The following EML6 variants were observed in gnomAD, a reference collection of about 807,000 sequenced individuals.
EML6 encodes the protein echinoderm microtubule-associated protein-like 6.
EML6 carries 154 observed loss-of-function variants against 240.1 expected under a neutral mutation model. The ratio of observed to expected loss-of-function variants is 0.64; its 90% confidence interval spans 0.56 to 0.73. The LOEUF (loss-of-function observed/expected upper bound fraction) is 0.73, where lower values mean the gene tolerates loss of function less well. Ranked by LOEUF, EML6 falls within the 30% of genes least tolerant of loss-of-function variation. The pLI is 0.00. For missense variants in EML6, 2,964 were observed against 2,474.6 expected, an observed-to-expected ratio of 1.20 and a Z score of -4.20; for synonymous variants, 1,148 against 899.0, an observed-to-expected ratio of 1.28 and a Z score of -4.95.
intron 16 of EML6, among the ~76,000 whole-genome samples, chr2:54,876,596 A>G (rs1346403108): frequency 2.0e-5 from 3 of 152,242 alleles, no homozygotes; most frequent in Admixed American, 2.0e-4. Context: ...CAAGAAGAAC[A>G]TAACTACACA....
chr2:54,940,787 G>T (rs1675390124), intron 28 of EML6, among the ~76,000 whole-genome samples: 1 of 152,166 alleles, frequency 6.6e-6, no homozygotes, highest in African/African-American at 2.4e-5. Context: ...ACTGCACTTG[G>T]CAAAATGACT....
chr2:54,767,284 C>T (rs1422366094), intron 2 of EML6, among the ~76,000 whole-genome samples: 3 of 151,938 alleles, frequency 2.0e-5, no homozygotes. Flanking sequence ...GAACCTACAG[C>T]CAGGGAAAAA....
At chr2:54,939,435 A>T (rs1014002421) in intron 28 of EML6, among the ~76,000 whole-genome samples, 1 of 152,188 alleles carries the variant, frequency 6.6e-6, no homozygotes, top group Non-Finnish European at 1.5e-5. Context: ...TTTCTCTGTC[A>T]TACTTGCTGT....
At chr2:54,825,173 A>G (rs1451298279) in intron 5 of EML6, among the ~76,000 whole-genome samples, 1 of 152,164 alleles carries the variant, frequency 6.6e-6, no homozygotes, top group Admixed American at 6.5e-5. Flanking sequence ...TCCAAAGTTA[A>G]AGGACAAAAT....
rs1210194920 is a variant in EML6 at position 54,829,304 on chromosome 2, T to C, written c.712-38T>C. ...CTGTATCTATTCATTATACTTAGGA[T>C]GGTTGCACCATTGAGTATTACCTGT... is the stretch of plus-strand genomic sequence containing the variant. On this transcript the variant is annotated intron_variant, in intron 6 of 41. Transcript: ENST00000356458. The C allele has an allele frequency of 5.2e-6, 8 of 1,541,142 alleles. No individual in the cohort carries two copies. In the Admixed American group the frequency reaches 1.6e-4, roughly 30 times the overall value.
At chr2:54,781,609 C>T (rs955733064) in intron 2 of EML6, among the ~76,000 whole-genome samples, 3 of 152,134 alleles carry the variant, frequency 2.0e-5, no homozygotes, top group Non-Finnish European at 4.4e-5. Context: ...TACTAAAAAA[C>T]ATACAAGTGT....
intron 14 of EML6, chr2:54,868,585 G>C (rs1404325589): frequency 6.6e-6 from 1 of 152,156 alleles, no homozygotes; most frequent in Non-Finnish European, 1.5e-5. Flanking sequence ...AGTCATATTT[G>C]ATTTTGATAT....
In EML6 at chr2:54,903,172, A is replaced by G; in HGVS notation, c.3253A>G (p.Ile1085Val). 1 of 1,552,010 alleles carries G rather than the reference A, an allele frequency of 6.4e-7. No individual in the cohort carries two copies. Residue 1085 changes from isoleucine to valine, a missense_variant, in exon 23 of 42, where the codon ATC (isoleucine) becomes GTC (valine). Coordinates refer to ENST00000356458, the MANE Select transcript of EML6 (RefSeq NM_001039753.4). ...CTCTTTCCATCACAGAAAAGAAATG[A>G]TCTCTGATATTAAGTTTTCAAAAGG... ...MVSFHHRKEMISDIKFSKDTG... is the reference protein window; with the variant it reads ...MVSFHHRKEMVSDIKFSKDTG...
At chr2:54,798,490 G>A (rs1336117590) in intron 2 of EML6, among the ~76,000 whole-genome samples, 1 of 152,124 alleles carries the variant, frequency 6.6e-6, no homozygotes, top group Non-Finnish European at 1.5e-5. Context: ...AGTTTTTAAT[G>A]TAAAGGAGCT....
intron 38 of EML6, among the ~76,000 whole-genome samples, chr2:54,965,113 C>T (rs1039744000): frequency 2.6e-5 from 4 of 152,162 alleles, no homozygotes; most frequent in Non-Finnish European, 5.9e-5. Flanking sequence ...GGTAGAATGG[C>T]CCCTCCATAC....
At chr2:54,929,344 C>G (rs1200538816) in intron 28 of EML6, among the ~76,000 whole-genome samples, 1 of 152,096 alleles carries the variant, frequency 6.6e-6, no homozygotes, top group Non-Finnish European at 1.5e-5. Flanking sequence ...TGGGGCTTTT[C>G]AATGTGCTGT....
chr2:54,828,338 A>G (rs1668699016), intron 6 of EML6, among the ~76,000 whole-genome samples: 1 of 152,236 alleles, frequency 6.6e-6, no homozygotes, highest in South Asian at 2.1e-4. Flanking sequence ...GAAACTTCTT[A>G]CCACTCTGCT....
chr2:54,952,526 T>C lies in EML6; in HGVS notation c.4214-68T>C, dbSNP rs984857436. 13 of 913,908 alleles carry C rather than the reference T, an allele frequency of 1.4e-5. No individual in the cohort carries two copies. In the African/African-American group the frequency reaches 2.2e-4, roughly 15 times the overall value. 56.6% of individuals were successfully genotyped at this position (913,908 alleles called of 1,614,324 possible). On this transcript the variant is annotated intron_variant, in intron 30 of 41. Coordinates refer to ENST00000356458, the MANE Select transcript of EML6 (RefSeq NM_001039753.4). ...AGAAGTATCCAATGGCTCCACGCGA[T>C]GTTTTGAAGTTGCCCTAAAAGGTCT... is the stretch of plus-strand genomic sequence containing the variant.
chr2:54,955,085 T>C (rs569072512), intron 32 of EML6, among the ~76,000 whole-genome samples: 1 of 152,358 alleles, frequency 6.6e-6, no homozygotes, highest in Admixed American at 6.5e-5. Context: ...ACATTTGTAA[T>C]GATACCATAT....
chr2:54,824,516 A>G (rs1301522095), intron 5 of EML6, among the ~76,000 whole-genome samples: 3 of 152,228 alleles, frequency 2.0e-5, no homozygotes, highest in Non-Finnish European at 2.9e-5. Flanking sequence ...TTCCAGTCAT[A>G]AATTGAGTGC....
intron 7 of EML6, among the ~76,000 whole-genome samples, chr2:54,842,541 G>T (rs1463272484): frequency 6.6e-6 from 1 of 152,200 alleles, no homozygotes; most frequent in East Asian, 1.9e-4. Context: ...AGCAGGAGTA[G>T]AGGCCAAGTC....
chr2:54,787,235 C>A (rs1029600280), intron 2 of EML6, among the ~76,000 whole-genome samples: 12 of 152,008 alleles, frequency 7.9e-5, no homozygotes, highest in Non-Finnish European at 1.6e-4. Context: ...AATATCGTTT[C>A]ATAGAAATAC....
intron 16 of EML6, among the ~76,000 whole-genome samples, chr2:54,878,826 C>T (rs1198263205): frequency 6.6e-6 from 1 of 151,936 alleles, no homozygotes; most frequent in Non-Finnish European, 1.5e-5. Context: ...GATAAGATAA[C>T]CTGTTCATTA....
At chr2:54,900,955 A>G (rs1673023674) in intron 22 of EML6, among the ~76,000 whole-genome samples, 1 of 152,220 alleles carries the variant, frequency 6.6e-6, no homozygotes, top group South Asian at 2.1e-4. Flanking sequence ...GATGAAATTG[A>G]GGTCTGACCC....
Sources: gnomAD v4.1 joint callset for allele counts (sites outside exome capture counted in the v4.1 genomes callset) on GRCh38, gnomAD v4.1.1 for gene constraint, MANE v1.5 for transcripts, NCBI Gene and HGNC (gene_info 2026-07-23, HGNC 2026-07-21) for gene names.